SAMD5: variants seen among roughly 807,000 people sequenced by gnomAD.
The protein encoded by SAMD5 is sterile alpha motif domain-containing protein 5.
Under a neutral mutation model 11.3 loss-of-function variants are expected in SAMD5, and 13 were observed. The observed-to-expected ratio is 1.15, with a 90% CI of 0.75 to 1.83. The LOEUF (loss-of-function observed/expected upper bound fraction) is 1.83, where lower values mean the gene tolerates loss of function less well. SAMD5 is among the 40% of genes most tolerant of loss of function. SAMD5 has a pLI of 0.00. For missense variants in SAMD5, 255 were observed against 239.1 expected, an observed-to-expected ratio of 1.07 and a Z score of -0.44; for synonymous variants, 129 against 111.3, an observed-to-expected ratio of 1.16 and a Z score of -1.00.
intron 1 of SAMD5, among the ~76,000 whole-genome samples, chr6:147,622,662 G>T (rs1161597265): frequency 2.6e-5 from 4 of 152,182 alleles, no homozygotes; most frequent in African/African-American, 9.7e-5. Flanking sequence ...CCTTTCTCAG[G>T]CCATGCGACA....
chr6:147,892,788 A>G, the SAMD5 span, among the ~76,000 whole-genome samples: 1 of 152,220 alleles, frequency 6.6e-6, no homozygotes, highest in Admixed American at 6.5e-5. Context: ...CTTTCAGATT[A>G]GATTTAGATT....
At chr6:147,816,087 T>C in the SAMD5 span, among the ~76,000 whole-genome samples, 1 of 151,536 alleles carries the variant, frequency 6.6e-6, no homozygotes, top group East Asian at 1.9e-4. Context: ...GAGACCAGCC[T>C]GGCTAACGTG....
At chr6:147,572,175 G>T (rs1789146848), downstream of SAMD5, among the ~76,000 whole-genome samples, 1 of 151,978 alleles carries the variant, frequency 6.6e-6, no homozygotes, top group Non-Finnish European at 1.5e-5. Context: ...GAATGTTGAG[G>T]TTATGTGAGA....
At chr6:147,794,565 A>C in the SAMD5 span, among the ~76,000 whole-genome samples, 1 of 152,170 alleles carries the variant, frequency 6.6e-6, no homozygotes, top group Non-Finnish European at 1.5e-5. Flanking sequence ...TTTTGTAAAA[A>C]ACATAACTTT....
intron 1 of SAMD5, among the ~76,000 whole-genome samples, chr6:147,589,423 A>G (rs753969064): frequency 6.6e-6 from 1 of 152,144 alleles, no homozygotes; most frequent in Non-Finnish European, 1.5e-5. Context: ...CAAATGTGCC[A>G]CAGAGACAAA....
At chr6:147,770,243 A>G in the SAMD5 span, among the ~76,000 whole-genome samples, 1 of 152,080 alleles carries the variant, frequency 6.6e-6, no homozygotes. Flanking sequence ...ATTAGTATTG[A>G]CTGTACTTTA....
At chr6:147,620,676 G>A (rs1401689071) in intron 1 of SAMD5, among the ~76,000 whole-genome samples, 1 of 152,210 alleles carries the variant, frequency 6.6e-6, no homozygotes, top group Non-Finnish European at 1.5e-5. Context: ...TCTCACTGGT[G>A]TGCTGGGAGT....
chr6:147,798,121 G>T, the SAMD5 span, among the ~76,000 whole-genome samples: 2 of 144,378 alleles, frequency 1.4e-5, no homozygotes, highest in African/African-American at 5.4e-5. Context: ...TTTTGAATGT[G>T]TTTGCTCTTG....
At chr6:147,790,467 A>G in the SAMD5 span, among the ~76,000 whole-genome samples, 1 of 152,248 alleles carries the variant, frequency 6.6e-6, no homozygotes, top group Non-Finnish European at 1.5e-5. Flanking sequence ...CCTTGCTATT[A>G]TCTTTATTTG....
At chr6:147,603,788 C>CA (rs200690344) in intron 1 of SAMD5, among the ~76,000 whole-genome samples, 4,764 of 150,552 alleles carry the variant, frequency 0.032, 116 homozygotes, top group African/African-American at 0.061. Context: ...AAAAACAAAA[C>CA]AAAAAAAAAC....
chr6:147,642,377 G>A (rs1790325533), intron 1 of SAMD5, among the ~76,000 whole-genome samples: 1 of 140,718 alleles, frequency 7.1e-6, no homozygotes, highest in Admixed American at 6.8e-5. Flanking sequence ...CTCAGCCTCA[G>A]TTTCCTCATC....
At chr6:147,831,757 G>A in the SAMD5 span, among the ~76,000 whole-genome samples, 2 of 152,138 alleles carry the variant, frequency 1.3e-5, no homozygotes, top group Non-Finnish European at 2.9e-5. Flanking sequence ...ATTATTGAAT[G>A]TGCACACTGA....
downstream of SAMD5, among the ~76,000 whole-genome samples, chr6:147,741,060 G>A (rs368381363): frequency 2.4e-4 from 37 of 152,168 alleles, no homozygotes; most frequent in Non-Finnish European, 4.7e-4. Context: ...ATGGAATGGC[G>A]CCTCTGGTAT....
In SAMD5 at chr6:147,566,886, G is replaced by A. The variant is rs702349; in HGVS notation, c.*2430G>A. ...TTACCATGAATTGTATCTGGGGACA[G>A]TTAGTCTTAGAAGGAGTAATTTTTT... On this transcript the variant is annotated 3_prime_UTR_variant, in exon 2 of 2. Coordinates refer to ENST00000367474, the MANE Select transcript of SAMD5 (RefSeq NM_001030060.3). 0.64 allele frequency: 611,763 copies of A among 959,734 alleles called. 198,869 individuals carry two copies. The highest frequency in any genetic ancestry group is 0.97 in the East Asian group (8,437 of 8,662). 59.5% of individuals were successfully genotyped at this position (959,734 alleles called of 1,614,324 possible).
chr6:147,792,168 A>G, the SAMD5 span, among the ~76,000 whole-genome samples: 11 of 152,200 alleles, frequency 7.2e-5, no homozygotes, highest in Non-Finnish European at 1.5e-4. Flanking sequence ...GGGGGTGGGG[A>G]GACAAGTTGC....
the SAMD5 span, among the ~76,000 whole-genome samples, chr6:147,815,294 T>G: frequency 3.9e-4 from 60 of 152,296 alleles, 1 homozygote; most frequent in African/African-American, 1.2e-3. Context: ...TCGACAAACA[T>G]GAATTGCACA....
At chr6:147,944,343 G>C in the SAMD5 span, among the ~76,000 whole-genome samples, 86 of 152,302 alleles carry the variant, frequency 5.6e-4, no homozygotes, top group African/African-American at 2.0e-3. Context: ...GCGAAGGAAA[G>C]GAGGAGCAAG....
chr6:147,519,459 T>G (rs669830), intron 1 of SAMD5, among the ~76,000 whole-genome samples: 45,121 of 152,090 alleles, frequency 0.3, 6,939 homozygotes, highest in African/African-American at 0.38. Context: ...GAATTTGCAT[T>G]TACCAAACTC....
chr6:147,802,617 C>T, the SAMD5 span, among the ~76,000 whole-genome samples: 2 of 150,532 alleles, frequency 1.3e-5, no homozygotes, highest in Non-Finnish European at 3.0e-5. Context: ...ATCTTTGTAG[C>T]GCCATTATTC....
Sources: allele counts gnomAD v4.1 joint callset (sites outside exome capture counted in the v4.1 genomes callset), GRCh38; gene constraint gnomAD v4.1.1; transcripts MANE v1.5; gene names NCBI Gene and HGNC (gene_info 2026-07-23, HGNC 2026-07-21).